DPP4: variants seen among roughly 807,000 people sequenced by gnomAD.
DPP4 encodes the protein ADCP-2.
In DPP4, 93 loss-of-function variants were observed where a neutral mutation model predicts 122.4. The ratio of observed to expected loss-of-function variants is 0.76; its 90% CI spans 0.64 to 0.90. The LOEUF (loss-of-function observed/expected upper bound fraction) is 0.90, where lower values mean the gene tolerates loss of function less well. Among genes scored for constraint, DPP4 ranks in the 40% least tolerant of loss-of-function variants. The pLI, the probability that DPP4 is intolerant of heterozygous loss-of-function variation, is 0.00. For synonymous variants in DPP4, 321 were observed against 302.9 expected, an observed-to-expected ratio of 1.06 and a Z score of -0.62; for missense variants, 914 against 907.3, an observed-to-expected ratio of 1.01 and a Z score of -0.09.
Position 162,073,970 on chromosome 2 carries a change from A to G in DPP4, c.6+6T>C. 1 of 1,611,198 alleles carries G rather than the reference A, an allele frequency of 6.2e-7. No individual in the cohort carries two copies. Among genetic ancestry groups the G allele is most frequent in the South Asian group, 1.1e-5 (1 of 90,686 alleles). On this transcript the variant is annotated splice_donor_region_variant and intron_variant, in intron 1 of 25. Transcript: ENST00000360534. ...GCCCCGGGGACGTACGTGGCGCGGC[A>G]CTCACCTTCATCGTCGGCGTCTCCT...
chr2:161,995,245 A>G, intron 24 of DPP4, 55 bp downstream of exon 24: 2 of 1,502,618 alleles, frequency 1.3e-6, no homozygotes, highest in Non-Finnish European at 1.9e-6. Context: ...TTTTGTCAGT[A>G]GTGAAATTGC....
chr2:162,039,273 T>C, intron 5 of DPP4, 89 bp from the exon 6 acceptor site: 3 of 1,034,732 alleles, frequency 2.9e-6, no homozygotes, highest in Non-Finnish European at 4.4e-6. Context: ...GGTTTGGTAA[T>C]ATATGATTGT....
intron 2 of DPP4, among the ~76,000 whole-genome samples, chr2:162,061,683 C>T (rs1394123625): frequency 6.6e-6 from 1 of 152,054 alleles, no homozygotes; most frequent in Non-Finnish European, 1.5e-5. Context: ...AATAAATGTT[C>T]ATTAAAAAAA....
intron 10 of DPP4, among the ~76,000 whole-genome samples, chr2:162,026,281 C>T (rs1002040420): frequency 6.6e-6 from 1 of 152,162 alleles, no homozygotes; most frequent in Non-Finnish European, 1.5e-5. Flanking sequence ...GCGAATGTGC[C>T]TGGTGATACC....
At chr2:161,998,686 GC>G (rs2106072468) in intron 23 of DPP4, among the ~76,000 whole-genome samples, 1 of 152,056 alleles carries the variant, frequency 6.6e-6, no homozygotes, top group African/African-American at 2.4e-5. Flanking sequence ...GTTTCTGGCT[GC>G]CTTTTTTTTT....
At chr2:162,047,683 A>G (rs1684236521) in intron 2 of DPP4, among the ~76,000 whole-genome samples, 182 bp from the exon 3 acceptor site, 1 of 152,208 alleles carries the variant, frequency 6.6e-6, no homozygotes, top group Non-Finnish European at 1.5e-5. Context: ...CATGCATTTA[A>G]CTATGAAGTG....
At chr2:162,066,332 C>T (rs1177872019) in intron 2 of DPP4, among the ~76,000 whole-genome samples, 1 of 152,080 alleles carries the variant, frequency 6.6e-6, no homozygotes, top group African/African-American at 2.4e-5. Flanking sequence ...GGACAAACCA[C>T]ACCAACCCCA....
intron 11 of DPP4, among the ~76,000 whole-genome samples, chr2:162,023,262 G>T (rs751253431): frequency 2.6e-5 from 4 of 152,070 alleles, no homozygotes; most frequent in African/African-American, 4.8e-5. Context: ...TCCTCAGCAG[G>T]TTGCCCAGGG....
At chr2:162,017,017 G>GCCAAAGAAAATCACACAATGCTAAGTCTA in intron 17 of DPP4, 91 bp downstream of exon 17, 1 of 1,479,388 alleles carries the variant, frequency 6.8e-7, no homozygotes, top group Non-Finnish European at 9.3e-7. Flanking sequence ...AAGACACAAA[G>GCCAAAGAAAATCACACAATGCTAAGTCTA]CCAAAGAAAA....
intron 19 of DPP4, among the ~76,000 whole-genome samples, chr2:162,014,014 CATG>C (rs367930104): frequency 5.7e-4 from 86 of 152,142 alleles, no homozygotes; most frequent in African/African-American, 1.7e-3. Context: ...GGAAGAGAAA[CATG>C]AGGCAGCCAG....
intron 14 of DPP4, among the ~76,000 whole-genome samples, chr2:162,019,548 C>T (rs1576043452): frequency 6.7e-6 from 1 of 150,110 alleles, no homozygotes; most frequent in East Asian, 2.0e-4. Flanking sequence ...CAAAAGAAGG[C>T]TTCTGTCAAA....
chr2:162,033,418 A>G lies in DPP4; in HGVS notation c.887+123T>C, dbSNP rs938424031. The G allele has an allele frequency of 1.7e-5, 11 of 630,876 alleles. No homozygotes were observed. In the Middle Eastern group the frequency reaches 1.0e-3, roughly 59 times the overall value. 39.1% of individuals were successfully genotyped at this position (630,876 alleles called of 1,614,324 possible). A position where few individuals can be genotyped will look rare whatever the true frequency, so the allele number is the denominator to read the frequency against. On this transcript the variant is annotated intron_variant, in intron 10 of 25. Coordinates refer to ENST00000360534, the MANE Select transcript of DPP4 (RefSeq NM_001935.4). ...AAAGAGTTGCTGAAGGAAAGAATGAATGACTGTCAGCGGGGATGACACAGT... is the reference window on the plus strand; with the variant it reads ...AAAGAGTTGCTGAAGGAAAGAATGAGTGACTGTCAGCGGGGATGACACAGT...
chr2:162,067,643 T>A (rs747605300), intron 2 of DPP4, among the ~76,000 whole-genome samples: 1 of 151,726 alleles, frequency 6.6e-6, no homozygotes. Flanking sequence ...TGAAGAACAA[T>A]ATAAAACAAT....
At chr2:162,034,483 T>C (rs570691288) in intron 9 of DPP4, among the ~76,000 whole-genome samples, 1 of 152,130 alleles carries the variant, frequency 6.6e-6, no homozygotes, top group Non-Finnish European at 1.5e-5. Context: ...TTTCCAAATT[T>C]CTTACAGAAA....
rs117655291 is a variant in DPP4, at chr2:162,007,627, C to T, written c.1987+935G>A. ...TTTTTAAACTTACAAAGATTTACTC[C>T]ATTATTTTATTGACCACTAGAGGTC... is the stretch of plus-strand genomic sequence containing the variant. On this transcript the variant is annotated intron_variant, in intron 22 of 25. Coordinates refer to ENST00000360534, the MANE Select transcript of DPP4 (RefSeq NM_001935.4). Among the ~76,000 whole-genome samples, 35 of 152,088 alleles carry T rather than the reference C, an allele frequency of 2.3e-4. 1 individual carries two copies. The East Asian group carries it at 6.8e-3, about 29-fold the overall frequency.
chr2:162,037,848 A>G (rs1200924420), intron 8 of DPP4, among the ~76,000 whole-genome samples: 1 of 152,186 alleles, frequency 6.6e-6, no homozygotes, highest in Non-Finnish European at 1.5e-5. Context: ...TCAAATAAAT[A>G]CAAATCCTCT....
At chr2:162,055,279 T>C (rs527244896) in intron 2 of DPP4, among the ~76,000 whole-genome samples, 3 of 152,222 alleles carry the variant, frequency 2.0e-5, no homozygotes, top group Non-Finnish European at 2.9e-5. Flanking sequence ...GTTTTCAGTA[T>C]GAAGGGAAAA....
intron 11 of DPP4, among the ~76,000 whole-genome samples, chr2:162,024,047 T>C (rs1313369345): frequency 6.6e-6 from 1 of 152,068 alleles, no homozygotes; most frequent in South Asian, 2.1e-4. Context: ...GTCTGGGAGG[T>C]GAGAGTCTGC....
chr2:162,049,449 G>A (rs544339987), intron 2 of DPP4, among the ~76,000 whole-genome samples: 6 of 150,840 alleles, frequency 4.0e-5, no homozygotes, highest in Admixed American at 6.6e-5. Context: ...GACATATGGC[G>A]AGGAACAACC....
Sources: gnomAD v4.1 joint callset for allele counts (sites outside exome capture counted in the v4.1 genomes callset) on GRCh38, gnomAD v4.1.1 for gene constraint, MANE v1.5 for transcripts, NCBI Gene and HGNC (gene_info 2026-07-23, HGNC 2026-07-21) for gene names.